Variants in DPP6 observed in about 807,000 individuals in gnomAD.
DPP6 encodes dipeptidyl peptidase like 6, also known as A-type potassium channel modulatory protein DPP6.
DPP6 carries 69 observed loss-of-function variants against 122.6 expected under a neutral mutation model. The ratio of observed to expected loss-of-function variants is 0.56; its 90% CI spans 0.46 to 0.69. The LOEUF is 0.69. Ranked by LOEUF, DPP6 falls within the 30% of genes least tolerant of loss-of-function variation. The pLI is 0.00. For missense variants in DPP6, 928 were observed against 1,116.9 expected, an observed-to-expected ratio of 0.83 and a Z score of 2.41; for synonymous variants, 418 against 433.1, an observed-to-expected ratio of 0.97 and a Z score of 0.43.
chr7:154,586,121 A>G (rs957141266), intron 5 of DPP6, among the ~76,000 whole-genome samples: 1 of 151,578 alleles, frequency 6.6e-6, no homozygotes, highest in Admixed American at 6.6e-5. Context: ...TCTGGAGTTG[A>G]CCCTCGTTGC....
At chr7:154,393,691 T>C (rs1422255423) in intron 1 of DPP6, among the ~76,000 whole-genome samples, 1 of 152,152 alleles carries the variant, frequency 6.6e-6, no homozygotes, top group Non-Finnish European at 1.5e-5. Context: ...GGTGTATAAT[T>C]TGGTGGTATT....
chr7:154,609,331 ACTTT>A (rs1416479448), intron 5 of DPP6, among the ~76,000 whole-genome samples: 1 of 152,208 alleles, frequency 6.6e-6, no homozygotes, highest in Non-Finnish European at 1.5e-5. Context: ...GTCTGCTGAG[ACTTT>A]CTTACACATT....
the DPP6 span, among the ~76,000 whole-genome samples, chr7:153,854,428 G>A: frequency 6.6e-6 from 1 of 150,948 alleles, no homozygotes; most frequent in Non-Finnish European, 1.5e-5. Context: ...GTGGGCGAAG[G>A]ACATGAACAG....
At chr7:154,238,589 C>T (rs74485148) in intron 1 of DPP6, among the ~76,000 whole-genome samples, 1,873 of 152,262 alleles carry the variant, frequency 0.012, 38 homozygotes, top group African/African-American at 0.042. Flanking sequence ...GCCACTGCCA[C>T]GGGGCTAGGA....
intron 1 of DPP6, among the ~76,000 whole-genome samples, chr7:153,955,321 A>G (rs534783418): frequency 4.6e-5 from 7 of 152,358 alleles, no homozygotes; most frequent in African/African-American, 1.4e-4. Flanking sequence ...CATCATCATT[A>G]TCACCGTCAT....
At chr7:154,148,879 A>G (rs1264589284) in intron 1 of DPP6, among the ~76,000 whole-genome samples, 1 of 152,164 alleles carries the variant, frequency 6.6e-6, no homozygotes, top group Admixed American at 6.5e-5. Flanking sequence ...GTGGGTCAAT[A>G]TAAGGAAATC....
At chr7:154,169,448 C>T (rs925555276) in intron 1 of DPP6, among the ~76,000 whole-genome samples, 6 of 152,118 alleles carry the variant, frequency 3.9e-5, no homozygotes, top group Non-Finnish European at 8.8e-5. Flanking sequence ...ATTCACAGCA[C>T]CTGGGCTTAA....
chr7:154,023,318 GCACACACACACACA>G (rs1554436897), intron 1 of DPP6, among the ~76,000 whole-genome samples: 18 of 129,618 alleles, frequency 1.4e-4, no homozygotes, highest in South Asian at 1.3e-3. Context: ...TTTCTTGTCT[GCACACACACACACA>G]CACACACACA....
At chr7:154,858,732 A>G (rs953249001) in intron 17 of DPP6, among the ~76,000 whole-genome samples, 1 of 152,184 alleles carries the variant, frequency 6.6e-6, no homozygotes, top group South Asian at 2.1e-4. Flanking sequence ...CTCAGCCTCC[A>G]TGTGCAGGCT....
At chr7:153,986,422 T>A (rs565975940) in intron 1 of DPP6, among the ~76,000 whole-genome samples, 13 of 152,186 alleles carry the variant, frequency 8.5e-5, no homozygotes, top group African/African-American at 3.1e-4. Flanking sequence ...TTAATTAAGA[T>A]GTGATCCAGC....
chr7:153,908,952 C>G (rs1352023806), intron 1 of DPP6, among the ~76,000 whole-genome samples: 1 of 152,000 alleles, frequency 6.6e-6, no homozygotes. Flanking sequence ...TGGGGTTTCA[C>G]TATATTGGCC....
chr7:154,627,850 T>C (rs1289172017), intron 5 of DPP6, among the ~76,000 whole-genome samples: 1 of 152,184 alleles, frequency 6.6e-6, no homozygotes, highest in Non-Finnish European at 1.5e-5. Flanking sequence ...CATGGAGGGA[T>C]GTGACTTCTG....
chr7:154,187,049 G>A (rs1186977602), intron 1 of DPP6, among the ~76,000 whole-genome samples: 3 of 152,192 alleles, frequency 2.0e-5, no homozygotes, highest in Non-Finnish European at 4.4e-5. Context: ...ACTCAGTCTG[G>A]TGAAAAAGCC....
chr7:154,235,311 T>C (rs1801140974), intron 1 of DPP6, among the ~76,000 whole-genome samples: 1 of 152,308 alleles, frequency 6.6e-6, no homozygotes, highest in African/African-American at 2.4e-5. Flanking sequence ...CTGAGCGTCA[T>C]GTTTTCAAGG....
intron 5 of DPP6, among the ~76,000 whole-genome samples, chr7:154,633,535 C>G (rs1431695901): frequency 1.3e-5 from 2 of 152,208 alleles, no homozygotes; most frequent in Non-Finnish European, 2.9e-5. Flanking sequence ...CACTCCTGGC[C>G]TAGAGTCTAT....
intron 10 of DPP6, among the ~76,000 whole-genome samples, chr7:154,781,858 A>T (rs1280942369): frequency 6.6e-6 from 1 of 152,204 alleles, no homozygotes; most frequent in African/African-American, 2.4e-5. Context: ...ATTTGCCAGG[A>T]TTTGCAACAC....
At chr7:154,161,282 A>T (rs1216372075) in intron 1 of DPP6, among the ~76,000 whole-genome samples, 40 of 152,246 alleles carry the variant, frequency 2.6e-4, no homozygotes, top group African/African-American at 9.4e-4. Flanking sequence ...GGATCACGTG[A>T]GGTCAGGAGT....
intron 3 of DPP6, among the ~76,000 whole-genome samples, chr7:154,504,920 T>C (rs190160191): frequency 5.9e-4 from 90 of 152,270 alleles, no homozygotes; most frequent in Admixed American, 9.2e-4. Flanking sequence ...GCAGTCAAAG[T>C]TACCATGTTG....
At chr7:154,728,947 A>G (rs1418152305) in intron 8 of DPP6, among the ~76,000 whole-genome samples, 1 of 152,154 alleles carries the variant, frequency 6.6e-6, no homozygotes, top group Non-Finnish European at 1.5e-5. Context: ...TCCTAACCCC[A>G]TCACCTTAGG....
Sources: gnomAD v4.1 joint callset for allele counts (sites outside exome capture counted in the v4.1 genomes callset) on GRCh38, gnomAD v4.1.1 for gene constraint, MANE v1.5 for transcripts, NCBI Gene and HGNC (gene_info 2026-07-23, HGNC 2026-07-21) for gene names.